Variants in CHD9 observed in about 807,000 individuals in gnomAD.
The protein encoded by CHD9 is chromodomain helicase DNA binding protein 9.
Under a neutral mutation model 316.1 loss-of-function variants are expected in CHD9, and 77 were observed. The ratio of observed to expected loss-of-function variants is 0.24; its 90% CI spans 0.20 to 0.29. CHD9 has a LOEUF of 0.29. Among genes scored for constraint, CHD9 ranks in the 10% least tolerant of loss-of-function variants. CHD9 has a pLI of 1.00. For synonymous variants in CHD9, 1,129 were observed against 1,158.3 expected (o/e 0.97, Z 0.51); for missense variants, 2,763 against 3,438.1 (o/e 0.80, Z 4.91).
intron 3 of CHD9, among the ~76,000 whole-genome samples, chr16:53,219,287 G>C (rs1597482667): frequency 6.6e-6 from 1 of 152,136 alleles, no homozygotes; most frequent in East Asian, 1.9e-4. Context: ...TAAGCAATTA[G>C]TTATATGAAC....
At chr16:53,305,354 C>T (rs908127044) in intron 31 of CHD9, among the ~76,000 whole-genome samples, 2 of 152,228 alleles carry the variant, frequency 1.3e-5, no homozygotes, top group Non-Finnish European at 2.9e-5. Context: ...AGCCACCACA[C>T]CTGGCCTGTT....
At chr16:53,152,626 G>A (rs2041215253) in intron 1 of CHD9, among the ~76,000 whole-genome samples, 2 of 152,214 alleles carry the variant, frequency 1.3e-5, no homozygotes, top group Non-Finnish European at 2.9e-5. Flanking sequence ...GTTGTGAGCA[G>A]AGGAGTGTCC....
chr16:53,109,842 G>C (rs1353514969), intron 1 of CHD9, among the ~76,000 whole-genome samples: 1 of 151,178 alleles, frequency 6.6e-6, no homozygotes, highest in Non-Finnish European at 1.5e-5. Context: ...CCGCCACCAC[G>C]CCCGGCTAAT....
At chr16:53,310,489 G>A (rs553921871) in intron 34 of CHD9, among the ~76,000 whole-genome samples, 3 of 152,122 alleles carry the variant, frequency 2.0e-5, no homozygotes, top group Admixed American at 6.6e-5. Flanking sequence ...TGCTGTTGCA[G>A]CTGAAGATTG....
At position 53,321,299 on chromosome 16, in the gene CHD9, G is replaced by C. The variant is rs1272078095; in HGVS notation, c.7714-227G>C. ...GGTAGTTATTCATTTTACTGTTCTA[G>C]TTATTCTACTTAAAACATTTAAAAT... On this transcript the variant is annotated intron_variant, in intron 37 of 38. Transcript: ENST00000447540. 7 of 1,345,002 alleles carry C rather than the reference G, an allele frequency of 5.2e-6. No individual in the cohort carries two copies. The Admixed American group carries it at 1.8e-4, about 34-fold the overall frequency. 83.3% of individuals were successfully genotyped at this position (1,345,002 alleles called of 1,614,324 possible).
intron 8 of CHD9, 124 bp downstream of exon 8, chr16:53,229,224 A>G: frequency 1.9e-6 from 1 of 517,604 alleles, no homozygotes; most frequent in Non-Finnish European, 3.4e-6. Flanking sequence ...TACAAATGCT[A>G]CCTAAATATA....
chr16:53,179,868 C>T (rs538986719), intron 2 of CHD9, among the ~76,000 whole-genome samples: 1 of 151,152 alleles, frequency 6.6e-6, no homozygotes, highest in Non-Finnish European at 1.5e-5. Flanking sequence ...CTGTACCCTA[C>T]CCTGGGCGAC....
intron 2 of CHD9, among the ~76,000 whole-genome samples, chr16:53,198,684 A>C (rs986249070): frequency 2.6e-5 from 4 of 152,146 alleles, no homozygotes; most frequent in Non-Finnish European, 5.9e-5. Flanking sequence ...TTTCTATTCC[A>C]TGTGATATTT....
At chr16:53,260,269 G>A (rs2050969856) in intron 19 of CHD9, among the ~76,000 whole-genome samples, 1 of 152,120 alleles carries the variant, frequency 6.6e-6, no homozygotes, top group Non-Finnish European at 1.5e-5. Context: ...ACTTGAGGCT[G>A]GAAGTTCAAG....
rs182836397 is a variant in CHD9 at position 53,284,790 on chromosome 16, G to C, written c.4968-806G>C. Reference sequence around the variant, plus strand: ...GAGTGTTTTTTGTTTTTCGAGACAGGGTCTCATTCCCGCGGCCTGGGTTGG... The same window carrying C: ...GAGTGTTTTTTGTTTTTCGAGACAGCGTCTCATTCCCGCGGCCTGGGTTGG... On this transcript the variant is annotated intron_variant, in intron 24 of 38. Coordinates refer to ENST00000447540, the MANE Select transcript of CHD9 (RefSeq NM_001308319.2). Among the ~76,000 whole-genome samples, 7 of 152,118 alleles carry C rather than the reference G, an allele frequency of 4.6e-5. No homozygotes were observed. In the East Asian group the frequency reaches 1.2e-3, roughly 25 times the overall value.
At chr16:53,190,516 C>T (rs186894298) in intron 2 of CHD9, among the ~76,000 whole-genome samples, 4 of 151,962 alleles carry the variant, frequency 2.6e-5, no homozygotes, top group African/African-American at 9.7e-5. Context: ...ATATAACTTA[C>T]GAAATTTTTT....
chr16:53,089,470 T>C (rs953762479), intron 1 of CHD9, among the ~76,000 whole-genome samples: 1 of 152,216 alleles, frequency 6.6e-6, no homozygotes, highest in Non-Finnish European at 1.5e-5. Flanking sequence ...ACATATTTAA[T>C]ATCTTTGAGC....
At position 53,238,416 on chromosome 16, in the gene CHD9, C is replaced by T; in HGVS notation, c.2707C>T (p.Leu903Phe). The T allele has an allele frequency of 1.2e-6, 2 of 1,612,848 alleles. No homozygotes were observed. The highest frequency in any genetic ancestry group is 1.3e-5 in the African/African-American group (1 of 74,988). ...IQSITFLYEI[L>F]LTGIRGPFLI... is the part of the protein sequence containing the mutation. ...ATCAATTACATTCCTCTATGAAATC[C>T]TTCTGACTGGTATAAGAGGACCTTT... is the stretch of plus-strand genomic sequence containing the variant. Residue 903 changes from leucine (L) to phenylalanine (F), a missense_variant, in exon 12 of 39, where the codon CTT (leucine) becomes TTT (phenylalanine). Coordinates refer to ENST00000447540, the MANE Select transcript of CHD9 (RefSeq NM_001308319.2).
chr16:53,260,936 C>G (rs2051028431), intron 19 of CHD9, among the ~76,000 whole-genome samples: 1 of 152,102 alleles, frequency 6.6e-6, no homozygotes, highest in African/African-American at 2.4e-5. Flanking sequence ...ATCATATCTG[C>G]AAAGTCCCTT....
Position 53,293,162 on chromosome 16 carries a change from G to T in CHD9, c.5510+110G>T, listed in dbSNP as rs995795195. The stretch of plus-strand genomic sequence containing the variant: ...TTGTGGAAAACATACATAGAATGTT[G>T]GTCAAAGCAAACTGCTTTGTGCACA... On this transcript the variant is annotated intron_variant, in intron 29 of 38. Coordinates refer to ENST00000447540, the MANE Select transcript of CHD9 (RefSeq NM_001308319.2). 1.1e-5 allele frequency: 10 copies of T among 925,146 alleles called. No individual in the cohort carries two copies. In the Admixed American group the frequency reaches 2.3e-4, roughly 22 times the overall value. 57.3% of individuals were successfully genotyped at this position (925,146 alleles called of 1,614,324 possible).
chr16:53,250,319 T>C lies in CHD9; in HGVS notation c.3861+253T>C, dbSNP rs566001760. 164 of 399,652 alleles carry C rather than the reference T, an allele frequency of 4.1e-4. No homozygotes were observed. The South Asian group carries it at 4.1e-3, about 10-fold the overall frequency. The allele number at this position is 399,652 out of a possible 1,614,324, so 24.8% of individuals were successfully genotyped here. A position where few individuals can be genotyped will look rare whatever the true frequency, so the allele number is the denominator to read the frequency against. On this transcript the variant is annotated intron_variant, in intron 17 of 38. Transcript: ENST00000447540. The stretch of plus-strand genomic sequence containing the variant: ...CTAGCTTATAAAAAATTATACCTAA[T>C]TGAGTACAGTACTTTTTGTTTGTTT...
At chr16:53,260,886 A>G (rs1257257170) in intron 19 of CHD9, among the ~76,000 whole-genome samples, 1 of 152,172 alleles carries the variant, frequency 6.6e-6, no homozygotes, top group Non-Finnish European at 1.5e-5. Context: ...GCCTACTTGG[A>G]TAATACAAGG....
intron 24 of CHD9, among the ~76,000 whole-genome samples, chr16:53,282,523 A>G (rs1224675143): frequency 1.3e-5 from 2 of 152,128 alleles, no homozygotes; most frequent in East Asian, 3.9e-4. Context: ...GGAGGATCAC[A>G]TAAGCCCAGA....
intron 24 of CHD9, among the ~76,000 whole-genome samples, chr16:53,283,589 C>T (rs976288510): frequency 1.3e-5 from 2 of 152,152 alleles, no homozygotes; most frequent in Non-Finnish European, 2.9e-5. Flanking sequence ...GATTCTGTTT[C>T]CAGTGTTCTT....
Sources: gnomAD v4.1 joint callset for allele counts (sites outside exome capture counted in the v4.1 genomes callset) on GRCh38, gnomAD v4.1.1 for gene constraint, MANE v1.5 for transcripts, NCBI Gene and HGNC (gene_info 2026-07-23, HGNC 2026-07-21) for gene names.